Variants in MCTP1 observed in about 807,000 individuals in gnomAD.
The protein encoded by MCTP1 is multiple C2 and transmembrane domain containing 1.
A neutral mutation model predicts 120.6 loss-of-function variants in MCTP1; 69 were observed. That is an observed-to-expected ratio of 0.57 (90% CI 0.47 to 0.70). The LOEUF (loss-of-function observed/expected upper bound fraction) is 0.70. Among genes scored for constraint, MCTP1 ranks in the 30% least tolerant of loss-of-function variants. The pLI, the probability that MCTP1 is intolerant of heterozygous loss-of-function variation, is 0.00. For missense variants in MCTP1, 1,203 were observed against 1,248.8 expected (o/e 0.96, Z 0.55); for synonymous variants, 529 against 493.1 (o/e 1.07, Z -0.96).
In MCTP1 at chr5:94,909,444, GA is replaced by G; in HGVS notation, c.1522-64del. The G allele has an allele frequency of 3.3e-6, 5 of 1,520,194 alleles. No homozygotes were observed. In the South Asian group the frequency reaches 6.2e-5, roughly 19 times the overall value. The allele number at this position is 1,520,194 out of a possible 1,614,324, so 94.2% of individuals were successfully genotyped here. ...CTTTTTAAAAAAAACTTCAACCTGA[GA>G]CACTAAATCAAACTTTTGGTACTAT... On this transcript the variant is annotated intron_variant, in intron 9 of 22. Coordinates refer to ENST00000515393, the MANE Select transcript of MCTP1 (RefSeq NM_024717.7).
chr5:95,073,011 C>T (rs563064295), intron 1 of MCTP1, among the ~76,000 whole-genome samples: 10 of 152,130 alleles, frequency 6.6e-5, no homozygotes, highest in Middle Eastern at 3.4e-3. Context: ...TCCCAAAGTG[C>T]GCTTAGCAAC....
chr5:95,217,252 T>C (rs1753141191), intron 1 of MCTP1, among the ~76,000 whole-genome samples: 1 of 152,246 alleles, frequency 6.6e-6, no homozygotes, highest in Non-Finnish European at 1.5e-5. Context: ...CATTACCTTT[T>C]AAATTTGTTA....
intron 1 of MCTP1, among the ~76,000 whole-genome samples, chr5:95,222,385 G>T (rs972832610): frequency 2.6e-5 from 4 of 152,244 alleles, no homozygotes; most frequent in Non-Finnish European, 1.5e-5. Flanking sequence ...CTAGATACTG[G>T]AGGACAATTA....
intron 18 of MCTP1, among the ~76,000 whole-genome samples, chr5:94,783,635 T>G (rs1442203915): frequency 6.6e-6 from 1 of 152,084 alleles, no homozygotes; most frequent in Non-Finnish European, 1.5e-5. Context: ...TCAGGTAGAC[T>G]TCATTATTAA....
intron 2 of MCTP1, among the ~76,000 whole-genome samples, chr5:94,958,987 A>G (rs1369814816): frequency 6.6e-6 from 1 of 152,210 alleles, no homozygotes; most frequent in Non-Finnish European, 1.5e-5. Context: ...TGTCAGGCCA[A>G]TCTCCCTGAT....
At chr5:94,890,871 T>C (rs1802425002) in intron 11 of MCTP1, among the ~76,000 whole-genome samples, 1 of 152,226 alleles carries the variant, frequency 6.6e-6, no homozygotes, top group South Asian at 2.1e-4. Context: ...TCAGCACTTC[T>C]ACTCTGTAAA....
At chr5:95,207,928 C>CGAGAGAGAGAGAGA (rs753843212) in intron 1 of MCTP1, among the ~76,000 whole-genome samples, 7 of 84,604 alleles carry the variant, frequency 8.3e-5, no homozygotes, top group African/African-American at 2.5e-4. Flanking sequence ...AATGAGCGGG[C>CGAGAGAGAGAGAGA]GAGAGAGAGA....
intron 1 of MCTP1, among the ~76,000 whole-genome samples, chr5:95,025,201 T>A (rs1179693775): frequency 6.6e-6 from 1 of 152,054 alleles, no homozygotes; most frequent in Admixed American, 6.6e-5. Context: ...AACAACGAGG[T>A]ACTGACATAA....
intron 3 of MCTP1, among the ~76,000 whole-genome samples, chr5:94,946,555 T>C (rs918240017): frequency 6.6e-6 from 1 of 152,178 alleles, no homozygotes; most frequent in Non-Finnish European, 1.5e-5. Context: ...AGGGTTCTTA[T>C]GATGGCTCCA....
rs1249640189 is a variant in MCTP1 at position 94,943,413 on chromosome 5, C to G, written c.982-986G>C. 2.0e-5 allele frequency among the ~76,000 whole-genome samples: 3 copies of G among 152,166 alleles called. No individual in the cohort carries two copies. In the East Asian group the frequency reaches 5.8e-4, roughly 30 times the overall value. Reference sequence around the variant, plus strand: ...TGGGGTTGAAGCAAATGGAGAGAGACAGATAATGGAAGGATGCTGGAGGGA... The same window carrying G: ...TGGGGTTGAAGCAAATGGAGAGAGAGAGATAATGGAAGGATGCTGGAGGGA... On this transcript the variant is annotated intron_variant, in intron 3 of 22. Transcript: ENST00000515393.
At position 95,283,320 on chromosome 5, in the gene MCTP1, G is replaced by A. The variant is rs143125847; in HGVS notation, c.720+536C>T. On this transcript the variant is annotated intron_variant, in intron 1 of 22. Transcript: ENST00000515393. ...TCCCGCTGTCCACTTGAAGGGCGGTGATCCAATTGCAGCAGGAAGGTTTAA... is the reference window on the plus strand; with the variant it reads ...TCCCGCTGTCCACTTGAAGGGCGGTAATCCAATTGCAGCAGGAAGGTTTAA... 5.7e-3 allele frequency among the ~76,000 whole-genome samples: 866 copies of A among 152,352 alleles called. 9 individuals carry two copies. Among genetic ancestry groups the A allele is most frequent in the South Asian group, 0.029 (140 of 4,828 alleles).
At chr5:94,757,697 G>A (rs1580510254) in intron 19 of MCTP1, among the ~76,000 whole-genome samples, 1 of 152,326 alleles carries the variant, frequency 6.6e-6, no homozygotes, top group African/African-American at 2.4e-5. Flanking sequence ...AGAACAGCTA[G>A]CATAGTGCTT....
intron 1 of MCTP1, among the ~76,000 whole-genome samples, chr5:95,211,103 T>C (rs984961064): frequency 5.3e-5 from 8 of 152,098 alleles, no homozygotes; most frequent in African/African-American, 1.9e-4. Context: ...TGGCTGCCCT[T>C]AACATTTTTT....
At chr5:94,721,851 T>A (rs1410759905) in intron 19 of MCTP1, among the ~76,000 whole-genome samples, 10 of 151,034 alleles carry the variant, frequency 6.6e-5, no homozygotes, top group Admixed American at 5.9e-4. Flanking sequence ...TTTGTTTTTT[T>A]TTTTTTAATG....
At chr5:94,920,775 A>AAATG (rs1811444614) in intron 7 of MCTP1, among the ~76,000 whole-genome samples, 4 of 151,018 alleles carry the variant, frequency 2.6e-5, no homozygotes, top group African/African-American at 9.7e-5. Flanking sequence ...ATAAATAAAT[A>AAATG]AATAAATAAA....
At chr5:94,754,540 TTTC>T (rs1214795289) in intron 19 of MCTP1, among the ~76,000 whole-genome samples, 3 of 152,226 alleles carry the variant, frequency 2.0e-5, no homozygotes, top group East Asian at 1.9e-4. Flanking sequence ...ACATCTTCTT[TTTC>T]TTCTTCTTTT....
At chr5:95,272,150 A>G (rs1337491792) in intron 1 of MCTP1, among the ~76,000 whole-genome samples, 1 of 152,236 alleles carries the variant, frequency 6.6e-6, no homozygotes, top group African/African-American at 2.4e-5. Flanking sequence ...TGCCTGGTAA[A>G]GGTATCCTCT....
In MCTP1 at chr5:95,248,238, T is replaced by C. The variant is rs182019370; in HGVS notation, c.720+35618A>G. 4.3e-3 allele frequency among the ~76,000 whole-genome samples: 659 copies of C among 152,328 alleles called. 5 individuals are homozygous for C. Among genetic ancestry groups the C allele is most frequent in the South Asian group, 6.4e-3 (31 of 4,826 alleles). On this transcript the variant is annotated intron_variant, in intron 1 of 22. Coordinates refer to ENST00000515393, the MANE Select transcript of MCTP1 (RefSeq NM_024717.7). ...GGAAAAGAGGAAGTCAAATTGTCTC[T>C]GTTTGCAGATGACATAATCATATAT...
intron 1 of MCTP1, among the ~76,000 whole-genome samples, chr5:95,169,854 T>C (rs1467429733): frequency 6.6e-6 from 1 of 152,228 alleles, no homozygotes; most frequent in Non-Finnish European, 1.5e-5. Flanking sequence ...AGGTCCTGAA[T>C]TCATTGATTT....
Sources: gnomAD v4.1 joint callset for allele counts (sites outside exome capture counted in the v4.1 genomes callset) on GRCh38, gnomAD v4.1.1 for gene constraint, MANE v1.5 for transcripts, NCBI Gene and HGNC (gene_info 2026-07-23, HGNC 2026-07-21) for gene names.